Variants in PPP6R2 observed in about 807,000 individuals in gnomAD.
PPP6R2 encodes serine/threonine-protein phosphatase 6 regulatory subunit 2.
Under a neutral mutation model 100.2 loss-of-function variants are expected in PPP6R2, and 62 were observed. That is an observed-to-expected ratio of 0.62 (90% confidence interval 0.50 to 0.76). The LOEUF is 0.76. PPP6R2 is among the 30% of genes least tolerant of loss of function. The pLI is 0.00. For synonymous variants in PPP6R2, 525 were observed against 514.7 expected, an observed-to-expected ratio of 1.02 and a Z score of -0.27; for missense variants, 1,142 against 1,276.3, an observed-to-expected ratio of 0.89 and a Z score of 1.60.
chr22:50,439,569 G>C (rs1394463569), intron 19 of PPP6R2, 132 bp from the exon 20 acceptor site: 2 of 1,033,702 alleles, frequency 1.9e-6, no homozygotes, highest in South Asian at 1.7e-5. Context: ...GCACTGCCTG[G>C]GCCTCCCTCC....
chr22:50,370,522 C>T (rs912503077), intron 1 of PPP6R2, among the ~76,000 whole-genome samples: 15 of 151,522 alleles, frequency 9.9e-5, no homozygotes, highest in East Asian at 2.0e-4. Context: ...TGCCTGACCT[C>T]GTGATCCACC....
chr22:50,338,048 G>A, the PPP6R2 span, among the ~76,000 whole-genome samples: 4 of 137,010 alleles, frequency 2.9e-5, no homozygotes, highest in Admixed American at 2.9e-4. Flanking sequence ...GTGTATGTGT[G>A]GTGTGATGTG....
chr22:50,443,686 G>A, intron 22 of PPP6R2, 180 bp from the exon 23 acceptor site: 1 of 800,158 alleles, frequency 1.2e-6, no homozygotes, highest in Non-Finnish European at 1.9e-6. Context: ...GGAACTTGGG[G>A]CAGCAGAGCT....
intron 6 of PPP6R2, among the ~76,000 whole-genome samples, chr22:50,417,712 C>T (rs1261785141): frequency 6.6e-6 from 1 of 151,922 alleles, no homozygotes; most frequent in Non-Finnish European, 1.5e-5. Context: ...CTGATGTTGG[C>T]GTCTGTAGGA....
intron 4 of PPP6R2, among the ~76,000 whole-genome samples, chr22:50,414,080 C>A (rs1195525098): frequency 6.6e-6 from 1 of 152,216 alleles, no homozygotes; most frequent in African/African-American, 2.4e-5. Context: ...CTTCTTTCCC[C>A]TTCAACCGCT....
In PPP6R2 at chr22:50,436,978, T is replaced by G; in HGVS notation, c.1603-10T>G. On this transcript the variant is annotated splice_polypyrimidine_tract_variant and intron_variant, in intron 14 of 23. Transcript: ENST00000612753. ...GCTCACACGCCCACCCCATCTGGCC[T>G]GTGTTTTAGGTGAGCACTCACCACC... 6.4e-7 allele frequency: 1 copy of G among 1,553,534 alleles called. No homozygotes were observed. Among genetic ancestry groups the G allele is most frequent in the Non-Finnish European group, 8.7e-7 (1 of 1,148,470 alleles).
intron 22 of PPP6R2, among the ~76,000 whole-genome samples, chr22:50,442,135 C>T (rs1186480778): frequency 2.6e-5 from 4 of 152,198 alleles, no homozygotes; most frequent in African/African-American, 7.2e-5. Context: ...CCCAGCCTCA[C>T]CGCCCAATGC....
intron 1 of PPP6R2, among the ~76,000 whole-genome samples, chr22:50,353,715 T>C (rs2045825617): frequency 6.6e-6 from 1 of 151,902 alleles, no homozygotes; most frequent in African/African-American, 2.4e-5. Context: ...AAAGTACGCC[T>C]GTGTTGTTTT....
At position 50,348,181 on chromosome 22, in the gene PPP6R2, C is replaced by T. The variant is rs149488938; in HGVS notation, c.-148+4631C>T. Among the ~76,000 whole-genome samples the T allele has an allele frequency of 4.5e-3, 682 of 152,210 alleles. 6 individuals are homozygous for T. Among genetic ancestry groups the T allele is most frequent in the African/African-American group, 0.015 (607 of 41,522 alleles). ...TGGAAAGTTGGTTTTCTCATTAAGC[C>T]GTTCCTTGCAGGTGTTAGTAGGGAG... is the stretch of plus-strand genomic sequence containing the variant. On this transcript the variant is annotated intron_variant, in intron 1 of 23. Transcript: ENST00000612753.
At position 50,437,712 on chromosome 22, in the gene PPP6R2, G is replaced by T. The variant is rs903976071; in HGVS notation, c.1781+109G>T. 5 of 1,388,266 alleles carry T rather than the reference G, an allele frequency of 3.6e-6. No individual in the cohort carries two copies. In the African/African-American group the frequency reaches 7.2e-5, roughly 20 times the overall value. The allele number at this position is 1,388,266 out of a possible 1,614,324, so 86.0% of individuals were successfully genotyped here. A position where few individuals can be genotyped will look rare whatever the true frequency, so the allele number is the denominator to read the frequency against. ...GCCGGGAGTGCCGTCTGATGTCCCC[G>T]GGAGACAGCAGGTGTTCCCAGTTGT... is the stretch of plus-strand genomic sequence containing the variant. On this transcript the variant is annotated intron_variant, in intron 16 of 23. Transcript: ENST00000612753.
chr22:50,395,221 C>T lies in PPP6R2; in HGVS notation c.227+1086C>T, dbSNP rs537220428. On this transcript the variant is annotated intron_variant, in intron 3 of 23. Coordinates refer to ENST00000612753, the MANE Select transcript of PPP6R2 (RefSeq NM_001242898.2). ...AATAGATCATTGTCATTCGTGGTAC[C>T]GTCCGTTCTCAGAGTTTTTCCTGAA... is the stretch of plus-strand genomic sequence containing the variant. Among the ~76,000 whole-genome samples, 44 of 152,258 alleles carry T rather than the reference C, an allele frequency of 2.9e-4. 1 individual carries two copies. The South Asian group carries it at 7.5e-3, about 26-fold the overall frequency.
At chr22:50,403,138 C>T (rs1024289068) in intron 3 of PPP6R2, among the ~76,000 whole-genome samples, 3 of 151,994 alleles carry the variant, frequency 2.0e-5, no homozygotes, top group African/African-American at 4.8e-5. Flanking sequence ...ACCCGGGAGG[C>T]GGAGGTTGCA....
chr22:50,391,209 G>A (rs1454001992), intron 2 of PPP6R2, among the ~76,000 whole-genome samples: 1 of 148,892 alleles, frequency 6.7e-6, no homozygotes, highest in Non-Finnish European at 1.5e-5. Flanking sequence ...CTAGGTGGGC[G>A]GATCACGAGG....
intron 1 of PPP6R2, among the ~76,000 whole-genome samples, chr22:50,351,567 A>G (rs181391957): frequency 1.2e-3 from 185 of 151,858 alleles, no homozygotes; most frequent in Middle Eastern, 3.4e-3. Context: ...TCCTTCATCA[A>G]TTGTCCTAGC....
At chr22:50,432,747 C>T (rs1208672927) in intron 12 of PPP6R2, among the ~76,000 whole-genome samples, 2 of 152,240 alleles carry the variant, frequency 1.3e-5, no homozygotes, top group Non-Finnish European at 2.9e-5. Flanking sequence ...ACACATGTCC[C>T]GCTTATTGTC....
At chr22:50,359,755 C>A (rs984583453) in intron 1 of PPP6R2, among the ~76,000 whole-genome samples, 14 of 152,166 alleles carry the variant, frequency 9.2e-5, no homozygotes, top group African/African-American at 3.1e-4. Flanking sequence ...AGGCTTTTTA[C>A]ATCTACCTTC....
rs1005536 is a variant in PPP6R2, at chr22:50,431,486, G to A, written c.1335+104G>A. On this transcript the variant is annotated intron_variant, in intron 11 of 23. Coordinates refer to ENST00000612753, the MANE Select transcript of PPP6R2 (RefSeq NM_001242898.2). This position sits in a 1 kb window ranked among gnomAD's most constrained non-coding sequence, Gnocchi z 4.8. ...CCGGACCTCACTGTGCAGCTGACAC[G>A]GGGGCAGGGCTTTGAAAAGGGTCCC... 0.34 allele frequency: 357,540 copies of A among 1,041,588 alleles called. 65,604 individuals carry two copies. The highest frequency in any genetic ancestry group is 0.65 in the East Asian group (24,889 of 38,414). 64.5% of individuals were successfully genotyped at this position (1,041,588 alleles called of 1,614,324 possible).
At chr22:50,442,001 G>C (rs2065760820) in intron 22 of PPP6R2, among the ~76,000 whole-genome samples, 1 of 152,164 alleles carries the variant, frequency 6.6e-6, no homozygotes, top group Admixed American at 6.5e-5. Flanking sequence ...GGCAACAGTG[G>C]GGAAGTCCTC....
At chr22:50,409,121 C>G (rs935216424) in intron 4 of PPP6R2, among the ~76,000 whole-genome samples, 4 of 152,176 alleles carry the variant, frequency 2.6e-5, no homozygotes, top group African/African-American at 9.6e-5. Context: ...CATCACCCAG[C>G]AGCTGGCTTG....
Sources: gnomAD v4.1 joint callset for allele counts (sites outside exome capture counted in the v4.1 genomes callset) on GRCh38, gnomAD v4.1.1 for gene constraint, Gnocchi (gnomAD v3.1) non-coding constraint, MANE v1.5 for transcripts, NCBI Gene and HGNC (gene_info 2026-07-23, HGNC 2026-07-21) for gene names.